LIFR: variants seen among roughly 807,000 people sequenced by gnomAD.
LIFR encodes LIF receptor subunit alpha.
In LIFR, 84 loss-of-function variants were observed where a neutral mutation model predicts 122.2. The observed-to-expected ratio is 0.69, with a 90% CI of 0.58 to 0.82. LIFR has a LOEUF of 0.82. LIFR is among the 40% of genes least tolerant of loss of function. LIFR has a pLI of 0.00. For synonymous variants in LIFR, 422 were observed against 434.7 expected (o/e 0.97, Z 0.36); for missense variants, 1,294 against 1,311.6 (o/e 0.99, Z 0.21).
chr5:38,485,474 C>T (rs1036978425), intron 17 of LIFR: 3 of 332,210 alleles, frequency 9.0e-6, no homozygotes, highest in Non-Finnish European at 1.7e-5. Context: ...ATATCTCCTT[C>T]ACTTTTCCCT....
At position 38,485,969 on chromosome 5, in the gene LIFR, T is replaced by C. The variant is rs773636858; in HGVS notation, c.2347A>G (p.Ile783Val). 1.2e-6 allele frequency: 2 copies of C among 1,612,758 alleles called. No homozygotes were observed. Among genetic ancestry groups the C allele is most frequent in the Non-Finnish European group, 1.7e-6 (2 of 1,178,810 alleles). ...MRVLESGRSDIKVKNITDISQ... is the reference protein window; with the variant it reads ...MRVLESGRSDVKVKNITDISQ... Reference sequence around the variant, plus strand: ...ATGTCAGTAATATTCTTAACTTTTATGTCAGAACGACCTATTTTTAAAATG... The same window carrying C: ...ATGTCAGTAATATTCTTAACTTTTACGTCAGAACGACCTATTTTTAAAATG... The change falls in exon 17 of 20, where the codon ATA becomes GTA. Residue 783 changes from isoleucine to valine, a missense_variant. Transcript: ENST00000453190.
At chr5:38,551,385 C>G (rs911802798) in intron 1 of LIFR, among the ~76,000 whole-genome samples, 1 of 152,212 alleles carries the variant, frequency 6.6e-6, no homozygotes, top group African/African-American at 2.4e-5. Flanking sequence ...ACCTCCAACT[C>G]GACAGGTACA....
chr5:38,513,762 C>G (rs988261338), intron 5 of LIFR, among the ~76,000 whole-genome samples: 3 of 152,086 alleles, frequency 2.0e-5, no homozygotes, highest in Non-Finnish European at 2.9e-5. Flanking sequence ...AGAGGGAAGG[C>G]CCCCATCAAC....
Position 38,565,726 on chromosome 5 carries a change from T to C in LIFR, c.-20+29535A>G, listed in dbSNP as rs558042073. On this transcript the variant is annotated intron_variant, in intron 1 of 19. Coordinates refer to the LIFR transcript ENST00000263409. The stretch of plus-strand genomic sequence containing the variant: ...CCTCAGCCTCCCAAGTAGCTGGGAC[T>C]TCAGGCATGCACTGCCATGCCTGGC... Among the ~76,000 whole-genome samples, 4 of 152,170 alleles carry C rather than the reference T, an allele frequency of 2.6e-5. No individual in the cohort carries two copies. In the South Asian group the frequency reaches 8.3e-4, roughly 32 times the overall value.
chr5:38,529,272 AC>A (rs1422031455), intron 2 of LIFR, among the ~76,000 whole-genome samples: 2 of 152,102 alleles, frequency 1.3e-5, no homozygotes, highest in African/African-American at 4.8e-5. Flanking sequence ...TAAGGAAAAA[AC>A]AAAAAACAAA....
chr5:38,492,297 G>A (rs933406089), intron 14 of LIFR, among the ~76,000 whole-genome samples: 1 of 152,092 alleles, frequency 6.6e-6, no homozygotes, highest in Non-Finnish European at 1.5e-5. Context: ...CAATCATCGC[G>A]GGGCAGCTTC....
At chr5:38,545,350 ATGTGTG>A (rs112421759) in intron 1 of LIFR, among the ~76,000 whole-genome samples, 1 of 151,530 alleles carries the variant, frequency 6.6e-6, no homozygotes, top group East Asian at 1.9e-4. Context: ...ACATAAATAT[ATGTGTG>A]TGTGTGTGTA....
chr5:38,498,175 G>A (rs1318365196), intron 12 of LIFR, among the ~76,000 whole-genome samples: 1 of 152,194 alleles, frequency 6.6e-6, no homozygotes, highest in Non-Finnish European at 1.5e-5. Context: ...CCTGCTCTAA[G>A]GGGCAGGCTT....
At chr5:38,493,501 T>C in intron 14 of LIFR, 105 bp downstream of exon 14, 2 of 1,098,118 alleles carry the variant, frequency 1.8e-6, no homozygotes, top group Non-Finnish European at 2.8e-6. Flanking sequence ...AACCTATTTA[T>C]ACCCATCCAG....
intron 5 of LIFR, among the ~76,000 whole-genome samples, chr5:38,515,731 T>A (rs1479593029): frequency 2.6e-5 from 4 of 151,828 alleles, no homozygotes; most frequent in African/African-American, 9.7e-5. Flanking sequence ...AGAGATCAGT[T>A]AAAAGAGTTG....
chr5:38,571,332 A>C (rs370063111), intron 1 of LIFR, among the ~76,000 whole-genome samples: 2 of 152,208 alleles, frequency 1.3e-5, no homozygotes, highest in South Asian at 4.2e-4. Flanking sequence ...CGGGCGGATC[A>C]CTTGAAGTCA....
intron 4 of LIFR, 84 bp from the exon 5 acceptor site, chr5:38,523,666 T>C: frequency 3.7e-6 from 4 of 1,068,218 alleles, no homozygotes; most frequent in Non-Finnish European, 5.8e-6. Context: ...CAACTACTTA[T>C]AAACTCTATT....
At chr5:38,550,915 T>C (rs950633427) in intron 1 of LIFR, among the ~76,000 whole-genome samples, 1 of 152,354 alleles carries the variant, frequency 6.6e-6, no homozygotes, top group East Asian at 1.9e-4. Context: ...CAGCTTTCAA[T>C]CAAGTTATCT....
chr5:38,488,275 G>A (rs1744394140), intron 16 of LIFR, among the ~76,000 whole-genome samples: 1 of 152,168 alleles, frequency 6.6e-6, no homozygotes, highest in Non-Finnish European at 1.5e-5. Flanking sequence ...ACTTTCTGCA[G>A]GTGTTCTAGG....
rs1468802282 is a variant in LIFR, at chr5:38,491,476, C to T, written c.2066-1185G>A. ...TACAATAAGGGCCATCTGAATAAGG[C>T]CTTGAAGGGCAATTAGATGCTCATC... On this transcript the variant is annotated intron_variant, in intron 14 of 19. Transcript: ENST00000453190. 3.3e-5 allele frequency among the ~76,000 whole-genome samples: 5 copies of T among 152,254 alleles called. No individual in the cohort carries two copies. The East Asian group carries it at 9.7e-4, about 29-fold the overall frequency.
chr5:38,553,830 C>A (rs1404022980), intron 1 of LIFR, among the ~76,000 whole-genome samples: 1 of 151,108 alleles, frequency 6.6e-6, no homozygotes, highest in Admixed American at 6.6e-5. Context: ...ATTACTTTTA[C>A]AATTTATTCT....
At chr5:38,577,019 C>T (rs970662164) in intron 1 of LIFR, among the ~76,000 whole-genome samples, 2 of 152,124 alleles carry the variant, frequency 1.3e-5, no homozygotes, top group Admixed American at 6.5e-5. Context: ...TCAGTGGAAT[C>T]GATTTGAACT....
At chr5:38,484,029 A>C (rs1561130361) in intron 18 of LIFR, among the ~76,000 whole-genome samples, 1 of 152,144 alleles carries the variant, frequency 6.6e-6, no homozygotes. Flanking sequence ...CACCAGGCAC[A>C]CAGCTCCTCC....
intron 4 of LIFR, among the ~76,000 whole-genome samples, chr5:38,524,198 C>T (rs1268569984): frequency 6.6e-6 from 1 of 152,154 alleles, no homozygotes; most frequent in African/African-American, 2.4e-5. Context: ...AAGAGTCTCT[C>T]GTGCTGGGGG....
Sources: allele counts gnomAD v4.1 joint callset (sites outside exome capture counted in the v4.1 genomes callset), GRCh38; gene constraint gnomAD v4.1.1; transcripts MANE v1.5; gene names NCBI Gene and HGNC (gene_info 2026-07-23, HGNC 2026-07-21).